Variants in SRD5A2 observed in about 807,000 individuals in gnomAD.
The protein encoded by SRD5A2 is 3-oxo-5-alpha-steroid 4-dehydrogenase 2.
Under a neutral mutation model 27.4 loss-of-function variants are expected in SRD5A2, and 30 were observed. That is an observed-to-expected ratio of 1.10 (90% CI 0.82 to 1.49). SRD5A2 has a LOEUF of 1.49. Ranked by LOEUF, SRD5A2 falls within the 40% of genes most tolerant of loss-of-function variation. SRD5A2 has a pLI of 0.00. For synonymous variants in SRD5A2, 141 were observed against 133.6 expected (o/e 1.06, Z -0.38); for missense variants, 348 against 323.4 (o/e 1.08, Z -0.58).
At chr2:31,548,955 A>G (rs1247476127) in intron 1 of SRD5A2, among the ~76,000 whole-genome samples, 1 of 152,054 alleles carries the variant, frequency 6.6e-6, no homozygotes, top group African/African-American at 2.4e-5. Flanking sequence ...GCAATGTGCT[A>G]AGTGAAATAA....
chr2:31,581,712 CG>C (rs1667087284), upstream of SRD5A2, among the ~76,000 whole-genome samples: 1 of 152,130 alleles, frequency 6.6e-6, no homozygotes, highest in Admixed American at 6.5e-5. Context: ...ACCCCACTCC[CG>C]GTCCCCTAGA....
intron 1 of SRD5A2, among the ~76,000 whole-genome samples, chr2:31,542,721 G>C (rs147512041): frequency 6.6e-6 from 1 of 152,122 alleles, no homozygotes; most frequent in Admixed American, 6.5e-5. Flanking sequence ...TCAAAGATAA[G>C]GCAATGGAAA....
the SRD5A2 span, among the ~76,000 whole-genome samples, chr2:31,609,774 A>G: frequency 1.6e-4 from 24 of 152,262 alleles, no homozygotes; most frequent in Admixed American, 1.5e-3. Context: ...AAACACTACC[A>G]TCAGGAAAGT....
intron 1 of SRD5A2, among the ~76,000 whole-genome samples, chr2:31,534,723 ATCTGCAGATT>A: frequency 6.6e-6 from 1 of 152,310 alleles, no homozygotes; most frequent in Non-Finnish European, 1.5e-5. Flanking sequence ...AGCAGACAAG[ATCTGCAGATT>A]TCACAGATAA....
At chr2:31,622,794 A>T in the SRD5A2 span, among the ~76,000 whole-genome samples, 1 of 152,132 alleles carries the variant, frequency 6.6e-6, no homozygotes, top group Admixed American at 6.6e-5. Context: ...CAGTCCAACC[A>T]CTGAGCTGGT....
rs762742772 is a variant in SRD5A2, at chr2:31,580,777, G to C, written c.124C>G (p.Pro42Ala). ...GYGKHTESLKPAATRLPARAA... is the reference protein window; with the variant it reads ...GYGKHTESLKAAATRLPARAA... ...CGGGCTGGCAGGCGGGTAGCCGCCG[G>C]CTTCAGGCTCTCCGTGTGCTTCCCG... Residue 42 changes from proline (P) to alanine (A), a missense_variant, in exon 1 of 5, where the codon CCG becomes GCG. Transcript: ENST00000622030. The C allele has an allele frequency of 2.5e-6, 4 of 1,611,646 alleles. No homozygotes were observed. The South Asian group carries it at 4.4e-5, about 18-fold the overall frequency.
At chr2:31,530,717 C>T (rs1265689664) in intron 3 of SRD5A2, among the ~76,000 whole-genome samples, 1 of 152,088 alleles carries the variant, frequency 6.6e-6, no homozygotes, top group African/African-American at 2.4e-5. Context: ...TACACAAATA[C>T]CCATCTAAAC....
the SRD5A2 span, among the ~76,000 whole-genome samples, chr2:31,632,577 G>T: frequency 2.6e-5 from 4 of 152,138 alleles, no homozygotes; most frequent in Non-Finnish European, 5.9e-5. Context: ...AGCGTTGGGG[G>T]CCAGAAGGTT....
At chr2:31,527,256 G>T (rs1665801985) in intron 4 of SRD5A2, among the ~76,000 whole-genome samples, 1 of 152,188 alleles carries the variant, frequency 6.6e-6, no homozygotes, top group African/African-American at 2.4e-5. Context: ...TTCCTAACTA[G>T]TTGATGCTGG....
the SRD5A2 span, among the ~76,000 whole-genome samples, chr2:31,622,338 T>C: frequency 2.0e-5 from 3 of 152,134 alleles, no homozygotes; most frequent in African/African-American, 4.8e-5. Flanking sequence ...CCATATTGTA[T>C]ATATGTTCCA....
intron 1 of SRD5A2, among the ~76,000 whole-genome samples, chr2:31,565,934 G>A (rs931945830): frequency 3.9e-5 from 6 of 151,922 alleles, no homozygotes; most frequent in Non-Finnish European, 7.4e-5. Context: ...CAATTATTAC[G>A]ATTGATAGAC....
At chr2:31,558,787 G>A (rs1666553671) in intron 1 of SRD5A2, among the ~76,000 whole-genome samples, 1 of 152,156 alleles carries the variant, frequency 6.6e-6, no homozygotes, top group Non-Finnish European at 1.5e-5. Flanking sequence ...TTGCAGCCTA[G>A]GAACAATAGG....
Position 31,580,682 on chromosome 2 carries a change from G to A in SRD5A2, c.219C>T (p.Leu73=). 2 of 1,599,010 alleles carry A rather than the reference G, an allele frequency of 1.3e-6. No homozygotes were observed. Among genetic ancestry groups the A allele is most frequent in the Non-Finnish European group, 1.7e-6 (2 of 1,177,878 alleles). ...VPAGILARQP[L]SLFGPPGTVL... Reference sequence around the variant, plus strand: ...CCGTCCCAGGTGGCCCGAAGAGGGAGAGGGGCTGCCGGGCGAGGATCCCCG... The same window carrying A: ...CCGTCCCAGGTGGCCCGAAGAGGGAAAGGGGCTGCCGGGCGAGGATCCCCG... Residue 73 remains leucine, a synonymous_variant, in exon 1 of 5, where the codon CTC becomes CTT. Coordinates refer to ENST00000622030, the MANE Select transcript of SRD5A2 (RefSeq NM_000348.4).
At chr2:31,604,377 T>C in the SRD5A2 span, among the ~76,000 whole-genome samples, 1 of 151,824 alleles carries the variant, frequency 6.6e-6, no homozygotes, top group Admixed American at 6.6e-5. Flanking sequence ...TTCTCATATT[T>C]AGAAAAATTA....
chr2:31,530,251 T>G (rs930540289), intron 3 of SRD5A2, among the ~76,000 whole-genome samples: 6 of 152,248 alleles, frequency 3.9e-5, no homozygotes, highest in African/African-American at 1.2e-4. Context: ...TTCTCTATTA[T>G]AATTCAAAAG....
chr2:31,589,354 T>C, the SRD5A2 span, among the ~76,000 whole-genome samples: 4 of 152,286 alleles, frequency 2.6e-5, no homozygotes, highest in South Asian at 2.1e-4. Context: ...GAGCTGATAA[T>C]GTAGACACGA....
Position 31,568,154 on chromosome 2 carries a change from C to T in SRD5A2, c.281+12466G>A, listed in dbSNP as rs549223302. 4.6e-5 allele frequency among the ~76,000 whole-genome samples: 7 copies of T among 152,292 alleles called. 1 individual carries two copies. In the East Asian group the frequency reaches 1.4e-3, roughly 29 times the overall value. On this transcript the variant is annotated intron_variant, in intron 1 of 4. Transcript: ENST00000622030. The stretch of plus-strand genomic sequence containing the variant: ...CCTGGAAGCTTGGAGATGCCAGGAA[C>T]CACAAAGCCCCAAAGAGGGTGTCAT...
chr2:31,555,155 GA>G (rs34909509), intron 1 of SRD5A2, among the ~76,000 whole-genome samples: 28,552 of 143,116 alleles, frequency 0.2, 3,345 homozygotes, highest in African/African-American at 0.35. Context: ...CACACAACTA[GA>G]AAAAAAAAAA....
the SRD5A2 span, among the ~76,000 whole-genome samples, chr2:31,660,677 T>A: frequency 4.6e-5 from 7 of 152,032 alleles, no homozygotes; most frequent in African/African-American, 1.7e-4. Context: ...TTGCTGTGAA[T>A]CTAAAACTAC....
Sources: gnomAD v4.1 joint callset for allele counts (sites outside exome capture counted in the v4.1 genomes callset) on GRCh38, gnomAD v4.1.1 for gene constraint, MANE v1.5 for transcripts, NCBI Gene and HGNC (gene_info 2026-07-23, HGNC 2026-07-21) for gene names.